Variants in DGKI observed in about 807,000 individuals in gnomAD.
The protein encoded by DGKI is diacylglycerol kinase iota.
DGKI carries 55 observed loss-of-function variants against 147.5 expected under a neutral mutation model. The ratio of observed to expected loss-of-function variants is 0.37; its 90% CI spans 0.30 to 0.47. The LOEUF (loss-of-function observed/expected upper bound fraction) is 0.47. Among genes scored for constraint, DGKI ranks in the 20% least tolerant of loss-of-function variants. DGKI has a pLI of 1.00. For synonymous variants in DGKI, 469 were observed against 477.1 expected, an observed-to-expected ratio of 0.98 and a Z score of 0.22; for missense variants, 1,007 against 1,323.8, an observed-to-expected ratio of 0.76 and a Z score of 3.71.
chr7:137,770,860 G>A (rs1328536171), intron 1 of DGKI, among the ~76,000 whole-genome samples: 1 of 151,982 alleles, frequency 6.6e-6, no homozygotes, highest in African/African-American at 2.4e-5. Context: ...AAATATTTTA[G>A]GGCCTTTTTA....
intron 32 of DGKI, among the ~76,000 whole-genome samples, chr7:137,392,309 A>G (rs2128892590): frequency 6.6e-6 from 1 of 152,286 alleles, no homozygotes; most frequent in African/African-American, 2.4e-5. Context: ...AAGAGTGTCC[A>G]TTCTTTTGAA....
chr7:137,633,744 T>C (rs530142295), intron 6 of DGKI, among the ~76,000 whole-genome samples: 4 of 152,216 alleles, frequency 2.6e-5, no homozygotes, highest in Non-Finnish European at 5.9e-5. Context: ...ATTTGGCAAA[T>C]GAATTTTTTC....
At chr7:137,481,944 A>T (rs1352406901) in intron 23 of DGKI, among the ~76,000 whole-genome samples, 1 of 152,080 alleles carries the variant, frequency 6.6e-6, no homozygotes, top group Non-Finnish European at 1.5e-5. Context: ...TAGACAAGAA[A>T]CTTCATTAAC....
chr7:137,767,533 T>A (rs9771357), intron 1 of DGKI, among the ~76,000 whole-genome samples: 20,310 of 64,158 alleles, frequency 0.32, 2,625 homozygotes, highest in African/African-American at 0.52. Flanking sequence ...AAGAGAAGAG[T>A]AGAGTAGGAG....
At chr7:137,484,527 A>C (rs1815484905) in intron 23 of DGKI, among the ~76,000 whole-genome samples, 1 of 152,084 alleles carries the variant, frequency 6.6e-6, no homozygotes, top group Admixed American at 6.6e-5. Flanking sequence ...GAGCCTTCAG[A>C]TAAAAGGGCT....
At chr7:137,845,449 T>C (rs946447109) in intron 1 of DGKI, among the ~76,000 whole-genome samples, 6 of 152,164 alleles carry the variant, frequency 3.9e-5, no homozygotes, top group Non-Finnish European at 7.3e-5. Flanking sequence ...TACAAGAATG[T>C]TTTCACTGAC....
At chr7:137,807,694 G>A (rs1797425022) in intron 1 of DGKI, among the ~76,000 whole-genome samples, 1 of 152,188 alleles carries the variant, frequency 6.6e-6, no homozygotes, top group Non-Finnish European at 1.5e-5. Flanking sequence ...CATCAGGCAA[G>A]CCCTGAAACT....
rs144464177 is a variant in DGKI at position 137,777,052 on chromosome 7, G to A, written c.401+69410C>T. ...AAAAAAATTTTTTTTAATTAGCTGG[G>A]CATGGTGGCACATGCCTGTAGTCCT... On this transcript the variant is annotated intron_variant, in intron 1 of 32. Coordinates refer to ENST00000614521, the MANE Select transcript of DGKI (RefSeq NM_001321708.2). Among the ~76,000 whole-genome samples, 259 of 152,048 alleles carry A rather than the reference G, an allele frequency of 1.7e-3. 1 individual carries two copies. The highest frequency in any genetic ancestry group is 2.9e-3 in the Admixed American group (44 of 15,264).
chr7:137,721,118 T>C (rs1794544241), intron 1 of DGKI, among the ~76,000 whole-genome samples: 1 of 152,202 alleles, frequency 6.6e-6, no homozygotes, highest in Admixed American at 6.5e-5. Context: ...GGTTTGGACA[T>C]CCTGTAATTC....
intron 21 of DGKI, among the ~76,000 whole-genome samples, chr7:137,509,201 C>T (rs1816491276): frequency 2.0e-5 from 3 of 152,186 alleles, no homozygotes; most frequent in South Asian, 2.1e-4. Context: ...CTTTTCCACT[C>T]GCTCATCTCA....
At chr7:137,503,870 C>G (rs965618348) in intron 21 of DGKI, among the ~76,000 whole-genome samples, 4 of 152,130 alleles carry the variant, frequency 2.6e-5, no homozygotes, top group African/African-American at 9.7e-5. Flanking sequence ...CATTTTTACC[C>G]TTAATTCTAT....
chr7:137,643,290 C>CAAAAAA (rs10541603), intron 6 of DGKI, among the ~76,000 whole-genome samples: 2 of 61,656 alleles, frequency 3.2e-5, no homozygotes, highest in Non-Finnish European at 2.7e-5. Context: ...GACTCCGTCT[C>CAAAAAA]AAAAAAAAAA....
intron 1 of DGKI, among the ~76,000 whole-genome samples, chr7:137,795,593 G>T (rs751795014): frequency 2.0e-5 from 3 of 152,154 alleles, no homozygotes; most frequent in Non-Finnish European, 2.9e-5. Flanking sequence ...TCAAAATATG[G>T]GAAATGAGAA....
intron 6 of DGKI, among the ~76,000 whole-genome samples, chr7:137,635,921 T>G (rs1225454406): frequency 6.6e-6 from 1 of 152,174 alleles, no homozygotes; most frequent in Non-Finnish European, 1.5e-5. Context: ...GACGGTGAAT[T>G]TCTTCGTCAT....
intron 10 of DGKI, among the ~76,000 whole-genome samples, chr7:137,608,705 A>G (rs1820264804): frequency 6.6e-6 from 1 of 152,204 alleles, no homozygotes; most frequent in Admixed American, 6.5e-5. Flanking sequence ...GAAAATCTGT[A>G]AGGAAAAAGT....
intron 12 of DGKI, among the ~76,000 whole-genome samples, chr7:137,596,366 CATTAAAGATAACTAAGCTGGGGG>C (rs2128987731): frequency 6.6e-6 from 1 of 152,260 alleles, no homozygotes; most frequent in African/African-American, 2.4e-5. Flanking sequence ...TTTACCCTTT[CATTAAAGATAACTAAGCTGGGGG>C]ATGCTTGAGT....
chr7:137,638,493 CAT>C (rs1289071291), intron 6 of DGKI, among the ~76,000 whole-genome samples: 64 of 109,392 alleles, frequency 5.9e-4, no homozygotes, highest in African/African-American at 2.0e-3. Context: ...TATATACACA[CAT>C]ATATATGTAT....
intron 20 of DGKI, among the ~76,000 whole-genome samples, chr7:137,542,871 T>C (rs1002390068): frequency 6.6e-6 from 1 of 152,200 alleles, no homozygotes; most frequent in African/African-American, 2.4e-5. Flanking sequence ...CGTAATTCTG[T>C]CATAGGCAAC....
chr7:137,702,326 T>G (rs1824011760), intron 1 of DGKI, among the ~76,000 whole-genome samples: 1 of 152,110 alleles, frequency 6.6e-6, no homozygotes, highest in African/African-American at 2.4e-5. Context: ...AACATCTACT[T>G]ATCAAAAGAA....
Sources: allele counts gnomAD v4.1 joint callset (sites outside exome capture counted in the v4.1 genomes callset), GRCh38; gene constraint gnomAD v4.1.1; transcripts MANE v1.5; gene names NCBI Gene and HGNC (gene_info 2026-07-23, HGNC 2026-07-21).